The following ZNRF2 variants were observed in gnomAD, a reference collection of about 807,000 sequenced individuals.
The protein encoded by ZNRF2 is E3 ubiquitin-protein ligase ZNRF2.
Under a neutral mutation model 20.4 loss-of-function variants are expected in ZNRF2, and 16 were observed. The ratio of observed to expected loss-of-function variants is 0.79; its 90% CI spans 0.53 to 1.19. The LOEUF (loss-of-function observed/expected upper bound fraction) is 1.19, where lower values mean the gene tolerates loss of function less well. ZNRF2 is among the 50% of genes most tolerant of loss of function. ZNRF2 has a pLI of 0.00. For synonymous variants in ZNRF2, 178 were observed against 144.9 expected, an observed-to-expected ratio of 1.23 and a Z score of -1.64; for missense variants, 363 against 332.4, an observed-to-expected ratio of 1.09 and a Z score of -0.72.
chr7:30,332,846 G>A (rs764969479), intron 2 of ZNRF2, among the ~76,000 whole-genome samples: 1 of 152,054 alleles, frequency 6.6e-6, no homozygotes, highest in Non-Finnish European at 1.5e-5. Flanking sequence ...TACGAGTGCA[G>A]GTGTCTTTTT....
At chr7:30,296,270 G>T (rs1270203524) in intron 1 of ZNRF2, among the ~76,000 whole-genome samples, 1 of 152,186 alleles carries the variant, frequency 6.6e-6, no homozygotes, top group Non-Finnish European at 1.5e-5. Context: ...AATGGAGGCA[G>T]TTATAAAATT....
In ZNRF2 at chr7:30,320,106, T is replaced by A. The variant is rs527845699; in HGVS notation, c.470-3536T>A. ...TCATCTGTTGGTTGAGTCCTGAGTC[T>A]GAGTATTTAAAGATAATACACTTCT... On this transcript the variant is annotated intron_variant, in intron 1 of 4. Coordinates refer to ENST00000323037, the MANE Select transcript of ZNRF2 (RefSeq NM_147128.4). 2.0e-5 allele frequency among the ~76,000 whole-genome samples: 3 copies of A among 152,304 alleles called. No individual in the cohort carries two copies. In the South Asian group the frequency reaches 6.2e-4, roughly 32 times the overall value.
chr7:30,302,175 G>A (rs1372765838), intron 1 of ZNRF2, among the ~76,000 whole-genome samples: 2 of 152,148 alleles, frequency 1.3e-5, no homozygotes, highest in Non-Finnish European at 1.5e-5. Context: ...ACTGTATGTA[G>A]CAAGGACTAG....
rs71528601 is a variant in ZNRF2 at position 30,337,022 on chromosome 7, T to A, written c.565+13285T>A. Among the ~76,000 whole-genome samples the A allele has an allele frequency of 8.5e-5, 13 of 152,304 alleles. 1 individual carries two copies. The highest frequency in any genetic ancestry group is 3.1e-4 in the African/African-American group (13 of 41,586). On this transcript the variant is annotated intron_variant, in intron 2 of 4. Transcript: ENST00000323037. ...TTTGATCTACATAGTCTGACAAATT[T>A]AAAAAGTTTATTAAAGCATCCCTAC...
intron 2 of ZNRF2, among the ~76,000 whole-genome samples, chr7:30,330,086 G>A (rs1161524737): frequency 2.0e-5 from 3 of 151,950 alleles, no homozygotes; most frequent in African/African-American, 7.3e-5. Flanking sequence ...ACCTGATTAT[G>A]GTATACTTTA....
chr7:30,323,739 T>C lies in ZNRF2; in HGVS notation c.565+2T>C. The C allele has an allele frequency of 6.5e-7, 1 of 1,538,642 alleles. No homozygotes were observed. Among genetic ancestry groups the C allele is most frequent in the Non-Finnish European group, 8.8e-7 (1 of 1,131,552 alleles). The stretch of plus-strand genomic sequence containing the variant: ...CAAAGCCACGAATAACCTATAATGG[T>C]AAGTCCAATGGTTTAAAATAATATT... On this transcript the variant is annotated splice_donor_variant, in intron 2 of 4. Coordinates refer to ENST00000323037, the MANE Select transcript of ZNRF2 (RefSeq NM_147128.4). LOFTEE classifies it high-confidence loss of function.
rs1399526634 is a variant in ZNRF2 at position 30,367,597 on chromosome 7, AT to A, written c.*1591del. The A allele has an allele frequency of 6.6e-6, 1 of 151,884 alleles. No individual in the cohort carries two copies. The highest frequency in any genetic ancestry group is 1.9e-4 in the East Asian group (1 of 5,194). 9.4% of individuals were successfully genotyped at this position (151,884 alleles called of 1,614,324 possible). A position where few individuals can be genotyped will look rare whatever the true frequency, so the allele number is the denominator to read the frequency against. On this transcript the variant is annotated 3_prime_UTR_variant, in exon 5 of 5. Transcript: ENST00000323037. The stretch of plus-strand genomic sequence containing the variant: ...CCCTACTTTCTTGCTTCTGTTTCAC[AT>A]TTTTTAAAAGGGCAAGTACAGGAGC...
chr7:30,331,753 C>T (rs1799637964), intron 2 of ZNRF2, among the ~76,000 whole-genome samples: 1 of 152,156 alleles, frequency 6.6e-6, no homozygotes, highest in Non-Finnish European at 1.5e-5. Flanking sequence ...TCTAGAGACA[C>T]TATAAACCAC....
At chr7:30,290,782 C>G (rs1411263832) in intron 1 of ZNRF2, among the ~76,000 whole-genome samples, 1 of 152,182 alleles carries the variant, frequency 6.6e-6, no homozygotes, top group East Asian at 1.9e-4. Context: ...CATGTAACTT[C>G]TTTTTTAAAC....
intron 2 of ZNRF2, among the ~76,000 whole-genome samples, chr7:30,337,117 G>T (rs934199743): frequency 2.6e-5 from 4 of 152,070 alleles, no homozygotes; most frequent in Admixed American, 1.3e-4. Context: ...TATTTGCCTT[G>T]CAGCAGTGTT....
intron 2 of ZNRF2, among the ~76,000 whole-genome samples, chr7:30,338,508 G>A (rs1474268500): frequency 7.3e-6 from 1 of 136,852 alleles, no homozygotes; most frequent in African/African-American, 2.7e-5. Flanking sequence ...TCCCACTTAT[G>A]AGTGAGAACA....
intron 1 of ZNRF2, among the ~76,000 whole-genome samples, chr7:30,295,018 AG>A (rs1798988113): frequency 1.6e-5 from 1 of 64,354 alleles, no homozygotes; most frequent in Non-Finnish European, 3.0e-5. Context: ...AGGGAAGGAG[AG>A]AGAGAGAGAG....
In ZNRF2 at chr7:30,284,979, G is replaced by C. The variant is rs563006739; in HGVS notation, c.-379G>C. 14 of 335,154 alleles carry C rather than the reference G, an allele frequency of 4.2e-5. No homozygotes were observed. The highest frequency in any genetic ancestry group is 2.0e-4 in the South Asian group (10 of 49,564). The allele number at this position is 335,154 out of a possible 1,614,324, so 20.8% of individuals were successfully genotyped here. On this transcript the variant is annotated 5_prime_UTR_variant, in exon 1 of 5. Transcript: ENST00000323037. ...CCCGAGAGGAGGCGGTGCCGAGATC[G>C]GGGGCGCCGAGCGCGGCAGCAGAGA...
chr7:30,299,067 A>G (rs1220849113), intron 1 of ZNRF2, among the ~76,000 whole-genome samples: 3 of 152,200 alleles, frequency 2.0e-5, no homozygotes, highest in Admixed American at 2.0e-4. Context: ...ATGAATGTGT[A>G]CAACTAGTTA....
intron 1 of ZNRF2, among the ~76,000 whole-genome samples, chr7:30,313,752 C>G (rs537997848): frequency 6.6e-6 from 1 of 152,116 alleles, no homozygotes; most frequent in Non-Finnish European, 1.5e-5. Context: ...GAATAAAAAA[C>G]TACTTAACCT....
At position 30,367,279 on chromosome 7, in the gene ZNRF2, T is replaced by A. The variant is rs1021269817; in HGVS notation, c.*1267T>A. The A allele has an allele frequency of 1.3e-5, 2 of 152,496 alleles. No individual in the cohort carries two copies. The highest frequency in any genetic ancestry group is 2.4e-5 in the African/African-American group (1 of 41,432). The allele number at this position is 152,496 out of a possible 1,614,324, so 9.4% of individuals were successfully genotyped here. A position where few individuals can be genotyped will look rare whatever the true frequency, so the allele number is the denominator to read the frequency against. ...AAGAAATGTGTTAAACAAAATTATG[T>A]TAATAAATATTCCCACATAATACAT... On this transcript the variant is annotated 3_prime_UTR_variant, in exon 5 of 5. Transcript: ENST00000323037.
At chr7:30,336,368 G>T (rs1031281651) in intron 2 of ZNRF2, among the ~76,000 whole-genome samples, 13 of 152,102 alleles carry the variant, frequency 8.5e-5, no homozygotes, top group African/African-American at 3.1e-4. Flanking sequence ...TGAGTAGTTT[G>T]GTATCTTCTC....
chr7:30,306,737 G>T (rs778416458), intron 1 of ZNRF2, among the ~76,000 whole-genome samples: 7 of 152,018 alleles, frequency 4.6e-5, no homozygotes, highest in Non-Finnish European at 1.0e-4. Context: ...CTTGCCTGTC[G>T]ACCGTACTTA....
At chr7:30,328,141 A>AC (rs1020693749) in intron 2 of ZNRF2, among the ~76,000 whole-genome samples, 184 of 150,740 alleles carry the variant, frequency 1.2e-3, no homozygotes, top group African/African-American at 3.6e-3. Flanking sequence ...TTAAAGTCAG[A>AC]CCCCCCCCAA....
Sources: allele counts gnomAD v4.1 joint callset (sites outside exome capture counted in the v4.1 genomes callset), GRCh38; gene constraint gnomAD v4.1.1; transcripts MANE v1.5; gene names NCBI Gene and HGNC (gene_info 2026-07-23, HGNC 2026-07-21).